CNTNAP4: variants seen among roughly 807,000 people sequenced by gnomAD.
CNTNAP4 encodes contactin-associated protein-like 4.
A neutral mutation model predicts 148.4 loss-of-function variants in CNTNAP4; 98 were observed. The ratio of observed to expected loss-of-function variants is 0.66; its 90% CI spans 0.56 to 0.78. The LOEUF (loss-of-function observed/expected upper bound fraction) is 0.78. Among genes scored for constraint, CNTNAP4 ranks in the 30% least tolerant of loss-of-function variants. The pLI is 0.00. For synonymous variants in CNTNAP4, 730 were observed against 565.1 expected, an observed-to-expected ratio of 1.29 and a Z score of -4.14; for missense variants, 1,935 against 1,565.6, an observed-to-expected ratio of 1.24 and a Z score of -3.98.
chr16:76,368,297 T>G (rs959565656), intron 3 of CNTNAP4, among the ~76,000 whole-genome samples: 2 of 152,190 alleles, frequency 1.3e-5, no homozygotes, highest in African/African-American at 4.8e-5. Flanking sequence ...AATCTCTGCT[T>G]TTACATGTGG....
chr16:76,300,573 A>C (rs1399804474), intron 1 of CNTNAP4, among the ~76,000 whole-genome samples: 4 of 152,230 alleles, frequency 2.6e-5, no homozygotes, highest in Non-Finnish European at 5.9e-5. Flanking sequence ...AAAAACAAAG[A>C]TGTTGAATGG....
At chr16:76,517,406 A>G (rs1488277361) in intron 15 of CNTNAP4, among the ~76,000 whole-genome samples, 1 of 152,214 alleles carries the variant, frequency 6.6e-6, no homozygotes, top group Non-Finnish European at 1.5e-5. Context: ...ACACCTGCGT[A>G]AGAATCTACA....
intron 11 of CNTNAP4, among the ~76,000 whole-genome samples, chr16:76,476,862 C>T (rs986847099): frequency 6.6e-6 from 1 of 152,130 alleles, no homozygotes; most frequent in East Asian, 1.9e-4. Context: ...CAGTCTATTG[C>T]GCTAGATAAT....
intron 3 of CNTNAP4, among the ~76,000 whole-genome samples, chr16:76,393,255 A>G (rs1322223089): frequency 6.6e-6 from 1 of 152,198 alleles, no homozygotes; most frequent in African/African-American, 2.4e-5. Flanking sequence ...TGTCCTATAT[A>G]GGAAATGTGA....
At chr16:76,324,435 G>A (rs147689732) in intron 2 of CNTNAP4, among the ~76,000 whole-genome samples, 21 of 152,260 alleles carry the variant, frequency 1.4e-4, no homozygotes, top group Middle Eastern at 3.4e-3. Flanking sequence ...CACACCTGGA[G>A]CAATGTCTGA....
At chr16:76,404,166 CT>C (rs2078518677) in intron 3 of CNTNAP4, among the ~76,000 whole-genome samples, 1 of 151,536 alleles carries the variant, frequency 6.6e-6, no homozygotes, top group African/African-American at 2.4e-5. Flanking sequence ...CACATGCACC[CT>C]TGAACTTAAA....
chr16:76,516,618 A>T (rs531618471), intron 15 of CNTNAP4, among the ~76,000 whole-genome samples: 1 of 152,236 alleles, frequency 6.6e-6, no homozygotes, highest in Non-Finnish European at 1.5e-5. Context: ...GATGTTGACA[A>T]AAGCTTTATT....
chr16:76,432,837 A>G (rs936521515), intron 4 of CNTNAP4, among the ~76,000 whole-genome samples: 12 of 152,118 alleles, frequency 7.9e-5, no homozygotes, highest in African/African-American at 4.8e-5. Flanking sequence ...CAGAATAAGA[A>G]CATCCAACTG....
At chr16:76,511,348 C>A (rs61174794) in intron 15 of CNTNAP4, among the ~76,000 whole-genome samples, 7,173 of 152,216 alleles carry the variant, frequency 0.047, 268 homozygotes, top group East Asian at 0.19. Context: ...ACTAGTACAG[C>A]TGTCTGAGAA....
intron 2 of CNTNAP4, among the ~76,000 whole-genome samples, chr16:76,333,413 C>T (rs1045519234): frequency 5.3e-5 from 8 of 152,216 alleles, no homozygotes; most frequent in African/African-American, 1.9e-4. Context: ...TACTTTGCAA[C>T]TCCAGAATGT....
Position 76,311,413 on chromosome 16 carries a change from C to T in CNTNAP4, c.86-5000C>T, listed in dbSNP as rs565104179. 1.3e-4 allele frequency among the ~76,000 whole-genome samples: 19 copies of T among 151,946 alleles called. No homozygotes were observed. In the South Asian group the frequency reaches 3.5e-3, roughly 28 times the overall value. Reference sequence around the variant, plus strand: ...ATGGTGACTTTTCTGAGATATTGAACGGAAAGCCATAGATTTGTATGTATA... The same window carrying T: ...ATGGTGACTTTTCTGAGATATTGAATGGAAAGCCATAGATTTGTATGTATA... On this transcript the variant is annotated intron_variant, in intron 1 of 23. Transcript: ENST00000611870.
At chr16:76,313,115 A>G (rs1394165873) in intron 1 of CNTNAP4, among the ~76,000 whole-genome samples, 1 of 152,092 alleles carries the variant, frequency 6.6e-6, no homozygotes, top group African/African-American at 2.4e-5. Context: ...ACGAATGTAA[A>G]AAGTTCCCCT....
At chr16:76,480,854 T>C (rs2081801020) in intron 12 of CNTNAP4, among the ~76,000 whole-genome samples, 1 of 152,210 alleles carries the variant, frequency 6.6e-6, no homozygotes, top group Non-Finnish European at 1.5e-5. Context: ...AGGGTGTTTG[T>C]TTGTAGGTTG....
chr16:76,324,234 C>T (rs1283151448), intron 2 of CNTNAP4, among the ~76,000 whole-genome samples: 6 of 152,084 alleles, frequency 3.9e-5, no homozygotes, highest in African/African-American at 7.2e-5. Context: ...CAACTGAAAT[C>T]GATACAGTGG....
chr16:76,487,050 A>T (rs766288382), intron 12 of CNTNAP4, among the ~76,000 whole-genome samples: 29 of 152,200 alleles, frequency 1.9e-4, no homozygotes, highest in Non-Finnish European at 3.7e-4. Flanking sequence ...GTGTATTGGC[A>T]AGATAACTCC....
intron 11 of CNTNAP4, among the ~76,000 whole-genome samples, chr16:76,477,274 C>T (rs2081619960): frequency 6.6e-6 from 1 of 152,044 alleles, no homozygotes; most frequent in Non-Finnish European, 1.5e-5. Context: ...ATTTCATTGT[C>T]CAGTTGTTCT....
chr16:76,288,414 C>T (rs1462139878), intron 1 of CNTNAP4, among the ~76,000 whole-genome samples: 1 of 152,118 alleles, frequency 6.6e-6, no homozygotes, highest in Non-Finnish European at 1.5e-5. Context: ...GTCCTCTACT[C>T]TTCATTTCTT....
At chr16:76,330,079 T>C (rs1177594195) in intron 2 of CNTNAP4, among the ~76,000 whole-genome samples, 9 of 152,238 alleles carry the variant, frequency 5.9e-5, no homozygotes, top group Non-Finnish European at 2.9e-5. Flanking sequence ...CTGCTTGAAT[T>C]TTCCAGCTGC....
intron 8 of CNTNAP4, among the ~76,000 whole-genome samples, chr16:76,461,634 C>G (rs2080966631): frequency 1.3e-5 from 2 of 152,112 alleles, no homozygotes; most frequent in African/African-American, 4.8e-5. Flanking sequence ...TTGGGTATAT[C>G]TTGGAATTTT....
Sources: gnomAD v4.1 joint callset for allele counts (sites outside exome capture counted in the v4.1 genomes callset) on GRCh38, gnomAD v4.1.1 for gene constraint, MANE v1.5 for transcripts, NCBI Gene and HGNC (gene_info 2026-07-23, HGNC 2026-07-21) for gene names.